SEMA3D: variants seen among roughly 807,000 people sequenced by gnomAD.
The protein encoded by SEMA3D is semaphorin-3D.
In SEMA3D, 84 loss-of-function variants were observed where a neutral mutation model predicts 100.1. That is an observed-to-expected ratio of 0.84 (90% CI 0.70 to 1.01). The LOEUF is 1.01. Among genes scored for constraint, SEMA3D ranks in the 50% least tolerant of loss-of-function variants. The probability of loss-of-function intolerance (pLI) is 0.00; values close to 1 mark genes in which losing one functional copy is unlikely to be tolerated. For synonymous variants in SEMA3D, 312 were observed against 320.7 expected (o/e 0.97, Z 0.29); for missense variants, 875 against 934.1 (o/e 0.94, Z 0.82).
At chr7:85,015,350 G>T (rs17639600) in intron 15 of SEMA3D, 134 bp from the exon 16 acceptor site, 178,134 of 677,806 alleles carry the variant, frequency 0.26, 26,683 homozygotes, top group Non-Finnish European at 0.32. Flanking sequence ...CACTTGTACA[G>T]AAACATAATG....
Position 85,022,574 on chromosome 7 carries a change from G to A in SEMA3D, c.1231C>T (p.Arg411Ter). ...KTYDPLIKST[R>*]DFPDDVISFI... ...CTGATGACATCATCTGGAAAATCTC[G>A]GGTGGACTTAATCAGTGGGTCATAG... The change falls in exon 13 of 19, where the codon CGA becomes TGA. Residue 411 changes from arginine to a stop codon, truncating the protein, a stop_gained. Coordinates refer to ENST00000284136, the MANE Select transcript of SEMA3D (RefSeq NM_001384900.1). LOFTEE classifies it high-confidence loss of function. The A allele has an allele frequency of 3.1e-6, 5 of 1,612,314 alleles. No individual in the cohort carries two copies. Among genetic ancestry groups the A allele is most frequent in the Non-Finnish European group, 4.2e-6 (5 of 1,178,852 alleles).
intron 3 of SEMA3D, among the ~76,000 whole-genome samples, chr7:85,106,148 C>T (rs914072331): frequency 3.3e-5 from 5 of 151,922 alleles, no homozygotes; most frequent in African/African-American, 9.7e-5. Context: ...AGCAATGTCA[C>T]GATGGAATAA....
At chr7:85,055,377 T>C (rs1337753704) in intron 9 of SEMA3D, among the ~76,000 whole-genome samples, 1 of 151,820 alleles carries the variant, frequency 6.6e-6, no homozygotes, top group African/African-American at 2.4e-5. Context: ...GGCAAAAGAA[T>C]AGACCTTCAA....
At chr7:85,188,781 C>G (rs1791630558), upstream of SEMA3D, among the ~76,000 whole-genome samples, 1 of 152,146 alleles carries the variant, frequency 6.6e-6, no homozygotes, top group Admixed American at 6.5e-5. Context: ...CAAATGACAC[C>G]TTCCTTTGCT....
chr7:85,112,004 C>A (rs1217088163), intron 3 of SEMA3D, among the ~76,000 whole-genome samples: 1 of 152,108 alleles, frequency 6.6e-6, no homozygotes, highest in African/African-American at 2.4e-5. Context: ...TTGATTACTA[C>A]ATACCCACCA....
chr7:85,052,044 T>C (rs1791180118), intron 9 of SEMA3D, among the ~76,000 whole-genome samples: 1 of 151,960 alleles, frequency 6.6e-6, no homozygotes, highest in African/African-American at 2.4e-5. Context: ...GCCCTATGTA[T>C]ACCAGGCAAA....
chr7:85,151,601 G>GTA (rs1491018385), intron 2 of SEMA3D: 1 of 122,530 alleles, frequency 8.2e-6, no homozygotes, highest in Non-Finnish European at 9.0e-6. Context: ...GTGTATGCGT[G>GTA]TGTGTGTGTG....
At chr7:85,232,090 T>C in the SEMA3D span, among the ~76,000 whole-genome samples, 20 of 152,218 alleles carry the variant, frequency 1.3e-4, no homozygotes. Flanking sequence ...GATATAGGAA[T>C]ATGATCTGGA....
chr7:85,099,705 T>C (rs558253431), intron 3 of SEMA3D, among the ~76,000 whole-genome samples: 2 of 152,044 alleles, frequency 1.3e-5, no homozygotes, highest in East Asian at 3.9e-4. Context: ...GTATCAGTGT[T>C]TTCGATTTTG....
chr7:85,135,848 C>G (rs1038111688), intron 2 of SEMA3D, among the ~76,000 whole-genome samples: 9 of 150,964 alleles, frequency 6.0e-5, no homozygotes, highest in African/African-American at 1.7e-4. Context: ...CACGTTTCTA[C>G]TTCTCCTTCT....
At chr7:85,191,109 A>T (rs1390781126), upstream of SEMA3D, among the ~76,000 whole-genome samples, 2 of 152,168 alleles carry the variant, frequency 1.3e-5, no homozygotes, top group Non-Finnish European at 2.9e-5. Flanking sequence ...AATTAAGTTC[A>T]GCAGGAATGT....
intron 6 of SEMA3D, among the ~76,000 whole-genome samples, chr7:85,070,608 C>G (rs900657311): frequency 2.0e-5 from 3 of 152,138 alleles, no homozygotes; most frequent in Non-Finnish European, 2.9e-5. Flanking sequence ...AGCAGGGCTG[C>G]CATACAATTA....
chr7:85,232,941 G>C, the SEMA3D span, among the ~76,000 whole-genome samples: 1 of 152,120 alleles, frequency 6.6e-6, no homozygotes, highest in Non-Finnish European at 1.5e-5. Flanking sequence ...AATGGAGAGG[G>C]AGAGACATAG....
chr7:85,013,002 G>T (rs896551149), intron 16 of SEMA3D, among the ~76,000 whole-genome samples, 156 bp from the exon 17 acceptor site: 5 of 151,686 alleles, frequency 3.3e-5, no homozygotes, highest in African/African-American at 1.2e-4. Context: ...ATCTAACATT[G>T]ATTTAAAAAA....
intron 1 of SEMA3D, among the ~76,000 whole-genome samples, chr7:85,173,874 AG>A (rs1267666158): frequency 1.3e-5 from 2 of 152,184 alleles, no homozygotes; most frequent in Non-Finnish European, 2.9e-5. Flanking sequence ...CCATAGTCTT[AG>A]CCACTGCACC....
At position 85,022,446 on chromosome 7, in the gene SEMA3D, C is replaced by A. The variant is rs1790280555; in HGVS notation, c.1359G>T (p.Val453=). The change falls in exon 13 of 19, where the codon GTG becomes GTT. Residue 453 remains valine, a synonymous_variant. Transcript: ENST00000284136. ...CATCTTCTGCAATGACATGATCCAC[C>A]ACTATCTGTGTCAGTCTGTAATCCA... ...INVDYRLTQI[V]VDHVIAEDGQ... 2.2e-5 allele frequency: 36 copies of A among 1,612,516 alleles called. No individual in the cohort carries two copies. Among genetic ancestry groups the A allele is most frequent in the Non-Finnish European group, 3.1e-5 (36 of 1,178,950 alleles).
intron 9 of SEMA3D, among the ~76,000 whole-genome samples, chr7:85,047,776 T>C (rs1338995901): frequency 6.6e-6 from 1 of 151,850 alleles, no homozygotes; most frequent in Non-Finnish European, 1.5e-5. Context: ...AATGACAAAG[T>C]TTAAGAACTT....
intron 3 of SEMA3D, among the ~76,000 whole-genome samples, chr7:85,105,536 G>T (rs931973041): frequency 1.3e-5 from 2 of 151,966 alleles, no homozygotes; most frequent in Admixed American, 6.6e-5. Flanking sequence ...ATTGTTCAAA[G>T]CATATAAAGA....
intron 2 of SEMA3D, among the ~76,000 whole-genome samples, chr7:85,123,353 A>G (rs954038797): frequency 3.0e-4 from 46 of 152,200 alleles, no homozygotes; most frequent in African/African-American, 1.0e-3. Flanking sequence ...AGCTTTGATC[A>G]TAATAAAAAA....
Sources: allele counts gnomAD v4.1 joint callset (sites outside exome capture counted in the v4.1 genomes callset), GRCh38; gene constraint gnomAD v4.1.1; transcripts MANE v1.5; gene names NCBI Gene and HGNC (gene_info 2026-07-23, HGNC 2026-07-21).